Variants in STRN4 observed in about 807,000 individuals in gnomAD.
The protein encoded by STRN4 is striatin-4.
A neutral mutation model predicts 77.9 loss-of-function variants in STRN4; 27 were observed. The observed-to-expected ratio is 0.35, with a 90% confidence interval of 0.26 to 0.48. The LOEUF (loss-of-function observed/expected upper bound fraction) is 0.48. Ranked by LOEUF, STRN4 falls within the 20% of genes least tolerant of loss-of-function variation. The pLI is 0.99. For missense variants in STRN4, 798 were observed against 1,049.7 expected (o/e 0.76, Z 3.31); for synonymous variants, 466 against 443.1 (o/e 1.05, Z -0.65).
At position 46,738,354 on chromosome 19, in the gene STRN4, C is replaced by G. The variant is rs555593695; in HGVS notation, c.387-117G>C. 62 of 977,918 alleles carry G rather than the reference C, an allele frequency of 6.3e-5. No individual in the cohort carries two copies. Among genetic ancestry groups the G allele is most frequent in the South Asian group, 6.1e-4 (46 of 74,976 alleles). 60.6% of individuals were successfully genotyped at this position (977,918 alleles called of 1,614,324 possible). A position where few individuals can be genotyped will look rare whatever the true frequency, so the allele number is the denominator to read the frequency against. On this transcript the variant is annotated intron_variant, in intron 2 of 17. Coordinates refer to ENST00000263280, the MANE Select transcript of STRN4 (RefSeq NM_013403.3). The surrounding 1 kb of genome is among the most constrained non-coding windows in gnomAD (Gnocchi z 4.5). ...CACAGGGCCTCCCCCAGCTCGTCTACTACTGAGGCTGAAGCATCCCCCCAC... is the reference window on the plus strand; with the variant it reads ...CACAGGGCCTCCCCCAGCTCGTCTAGTACTGAGGCTGAAGCATCCCCCCAC...
Position 46,732,835 on chromosome 19 carries a change from G to A in STRN4, c.737+204C>T, listed in dbSNP as rs189942751. The stretch of plus-strand genomic sequence containing the variant: ...GCAGGGCTGGAGATGAGGCCATGGC[G>A]AAGTGTGTGGAGGGAACCCAGGACA... On this transcript the variant is annotated intron_variant, in intron 5 of 17. Transcript: ENST00000263280. 6.3e-4 allele frequency: 386 copies of A among 613,376 alleles called. 3 individuals carry two copies. In the East Asian group the frequency reaches 8.2e-3, roughly 13 times the overall value. 38.0% of individuals were successfully genotyped at this position (613,376 alleles called of 1,614,324 possible). A position where few individuals can be genotyped will look rare whatever the true frequency, so the allele number is the denominator to read the frequency against.
rs999590641 is a variant in STRN4 at position 46,741,175 on chromosome 19, C to T, written c.283-2287G>A. The stretch of plus-strand genomic sequence containing the variant: ...CGGCAGAGCTGGACACAGAGACCCC[C>T]ATCACAGATGAGGGCAGTCCCAGAA... On this transcript the variant is annotated intron_variant, in intron 1 of 17. Coordinates refer to ENST00000263280, the MANE Select transcript of STRN4 (RefSeq NM_013403.3). The surrounding 1 kb of genome is among the most constrained non-coding windows in gnomAD (Gnocchi z 4.9). Among the ~76,000 whole-genome samples, 22 of 152,190 alleles carry T rather than the reference C, an allele frequency of 1.4e-4. No individual in the cohort carries two copies. The highest frequency in any genetic ancestry group is 5.1e-4 in the African/African-American group (21 of 41,448).
Position 46,730,721 on chromosome 19 carries a change from G to A in STRN4, c.879+11C>T. ...AGGCCAGGCTGTGCAGGGCATGGAG[G>A]AAGGGCTCACCTTCACACGCTGCTT... On this transcript the variant is annotated intron_variant, in intron 6 of 17. Coordinates refer to ENST00000263280, the MANE Select transcript of STRN4 (RefSeq NM_013403.3). 12 of 1,610,958 alleles carry A rather than the reference G, an allele frequency of 7.4e-6. No individual in the cohort carries two copies. The South Asian group carries it at 1.2e-4, about 16-fold the overall frequency.
intron 16 of STRN4, 38 bp from the exon 17 acceptor site, chr19:46,720,809 G>A (rs763717617): frequency 5.3e-6 from 8 of 1,510,894 alleles, no homozygotes; most frequent in Non-Finnish European, 7.1e-6. Flanking sequence ...TGGTCACTGG[G>A]CTCCTCGCTC....
chr19:46,725,701 G>A (rs2054095048), intron 9 of STRN4, 53 bp from the exon 10 acceptor site: 2 of 1,585,888 alleles, frequency 1.3e-6, no homozygotes, highest in African/African-American at 1.3e-5. Context: ...CAGCAGTCAT[G>A]CAGACACCGA....
chr19:46,739,141 C>G (rs79270298), intron 1 of STRN4, among the ~76,000 whole-genome samples: 26 of 152,340 alleles, frequency 1.7e-4, no homozygotes, highest in Non-Finnish European at 3.2e-4. Flanking sequence ...CCTGAGATAA[C>G]AATGGGGCCA....
chr19:46,720,833 G>T lies in STRN4; in HGVS notation c.2093-62C>A. ...GGCTCCTCGCTCAGACGCAGCCCTG[G>T]AACCCCTCACCTGGCCTTGTCCAAA... is the stretch of plus-strand genomic sequence containing the variant. On this transcript the variant is annotated intron_variant, in intron 16 of 17. Transcript: ENST00000263280. 4.7e-6 allele frequency: 7 copies of T among 1,477,438 alleles called. No homozygotes were observed. In the Admixed American group the frequency reaches 1.3e-4, roughly 28 times the overall value. 91.5% of individuals were successfully genotyped at this position (1,477,438 alleles called of 1,614,324 possible). A position where few individuals can be genotyped will look rare whatever the true frequency, so the allele number is the denominator to read the frequency against.
At chr19:46,734,734 G>A (rs371672948) in intron 4 of STRN4, among the ~76,000 whole-genome samples, 2 of 152,050 alleles carry the variant, frequency 1.3e-5, no homozygotes, top group East Asian at 3.9e-4. Context: ...GCACGATCTC[G>A]GCTCACTGCA....
intron 4 of STRN4, among the ~76,000 whole-genome samples, chr19:46,734,136 C>T (rs972801586): frequency 2.0e-5 from 3 of 152,306 alleles, no homozygotes; most frequent in East Asian, 1.9e-4. Context: ...CAGGGAAGCA[C>T]GGGGCTTTAA....
At chr19:46,743,602 T>A (rs1328421034) in intron 1 of STRN4, among the ~76,000 whole-genome samples, 1 of 152,174 alleles carries the variant, frequency 6.6e-6, no homozygotes, top group Non-Finnish European at 1.5e-5. Context: ...GAACATGGGC[T>A]TAAAAGTCTA....
At chr19:46,724,249 CAAAAAAAAAAA>C (rs71970589) in intron 12 of STRN4, among the ~76,000 whole-genome samples, 22,634 of 87,336 alleles carry the variant, frequency 0.26, 2,613 homozygotes, top group Non-Finnish European at 0.31. Context: ...CTCTTTGTCT[CAAAAAAAAAAA>C]AAAAAAAAAA....
rs1599891571 is a variant in STRN4 at position 46,738,730 on chromosome 19, A to G, written c.386+55T>C. On this transcript the variant is annotated intron_variant, in intron 2 of 17. Coordinates refer to ENST00000263280, the MANE Select transcript of STRN4 (RefSeq NM_013403.3). This position sits in a 1 kb window ranked among gnomAD's most constrained non-coding sequence, Gnocchi z 4.5. ...AGGAGGCGTGGCTGGTGGCCTCCTG[A>G]CACTGTGCTTGAGACGGACCCAGAA... 2 of 1,576,624 alleles carry G rather than the reference A, an allele frequency of 1.3e-6. No homozygotes were observed. Among genetic ancestry groups the G allele is most frequent in the East Asian group, 4.5e-5 (2 of 44,688 alleles).
rs372630198 is a variant in STRN4 at position 46,733,206 on chromosome 19, G to A, written c.570C>T (p.Thr190=). The part of the protein sequence containing the change: ...QYLEEVGYTD[T]ILDMRSKRVR... The stretch of plus-strand genomic sequence containing the variant: ...CGCGCTTGGACCGCATGTCGAGGAT[G>A]GTGTCTGTGTAGCCCACCTCTTCCA... The change falls in exon 5 of 18, where the codon ACC becomes ACT. Residue 190 remains threonine, a synonymous_variant. Transcript: ENST00000263280. The surrounding 1 kb of genome is among the most constrained non-coding windows in gnomAD (Gnocchi z 4.3). 7.4e-6 allele frequency: 12 copies of A among 1,610,948 alleles called. No homozygotes were observed. Among genetic ancestry groups the A allele is most frequent in the Non-Finnish European group, 9.3e-6 (11 of 1,180,006 alleles).
At chr19:46,727,703 C>G in intron 8 of STRN4, 157 bp from the exon 9 acceptor site, 1 of 759,188 alleles carries the variant, frequency 1.3e-6, no homozygotes, top group Non-Finnish European at 2.2e-6. Context: ...TGGAAAGAGA[C>G]AGAGAGACAG....
rs754307495 is a variant in STRN4 at position 46,738,232 on chromosome 19, T to C, written c.392A>G (p.Lys131Arg). 6 of 1,614,126 alleles carry C rather than the reference T, an allele frequency of 3.7e-6. No individual in the cohort carries two copies. Among genetic ancestry groups the C allele is most frequent in the Non-Finnish European group, 4.2e-6 (5 of 1,180,002 alleles). The change falls in exon 3 of 18, where the codon AAA (lysine) becomes AGA (arginine). Residue 131 changes from lysine (K) to arginine (R), a missense_variant. By Grantham distance (26) the Lys-to-Arg change is conservative. Transcript: ENST00000263280. This position sits in a 1 kb window ranked among gnomAD's most constrained non-coding sequence, Gnocchi z 4.5. The part of the protein sequence containing the change: ...LEYALKQERA[K>R]YHKLKFGTDL... ...TGTCCCAAACTTCAGTTTATGATATTTGGCCCTAAAAGAGCAAATGATTAA... is the reference window on the plus strand; with the variant it reads ...TGTCCCAAACTTCAGTTTATGATATCTGGCCCTAAAAGAGCAAATGATTAA...
At chr19:46,721,575 C>T in intron 16 of STRN4, 1 of 209,864 alleles carries the variant, frequency 4.8e-6, no homozygotes, top group South Asian at 6.7e-5. Context: ...CACACTCCAT[C>T]CCTTCTAAGC....
chr19:46,730,920 C>G (rs1171644649), intron 5 of STRN4, 47 bp from the exon 6 acceptor site: 1 of 1,598,516 alleles, frequency 6.3e-7, no homozygotes, highest in African/African-American at 1.3e-5. Context: ...TGGCAGGTGT[C>G]AAAGCTCAGA....
chr19:46,726,214 T>A (rs1441830457), intron 9 of STRN4: 1 of 153,944 alleles, frequency 6.5e-6, no homozygotes, highest in Non-Finnish European at 1.4e-5. Context: ...AGGTGCTGGG[T>A]GGTGAGCCCC....
rs543814551 is a variant in STRN4 at position 46,723,187 on chromosome 19, A to C, written c.1692T>G (p.Ala564=). Residue 564 remains alanine, a synonymous_variant, in exon 13 of 18, where the codon GCT becomes GCG. Transcript: ENST00000263280. The surrounding 1 kb of genome is among the most constrained non-coding windows in gnomAD (Gnocchi z 5.5). The part of the protein sequence containing the change: ...PTSQRLASCS[A]DGTVRIWDPS... ...GGTCCCAGATGCGGACGGTGCCATCAGCAGAACAGGAGGCCAGGCGCTGGG... is the reference window on the plus strand; with the variant it reads ...GGTCCCAGATGCGGACGGTGCCATCCGCAGAACAGGAGGCCAGGCGCTGGG... 15 of 1,560,188 alleles carry C rather than the reference A, an allele frequency of 9.6e-6. No homozygotes were observed. The Admixed American group carries it at 2.3e-4, about 24-fold the overall frequency.
Sources: allele counts gnomAD v4.1 joint callset (sites outside exome capture counted in the v4.1 genomes callset), GRCh38; gene constraint gnomAD v4.1.1; non-coding constraint Gnocchi (gnomAD v3.1); transcripts MANE v1.5; gene names NCBI Gene and HGNC (gene_info 2026-07-23, HGNC 2026-07-21).